Variants in FANCC observed in about 807,000 individuals in gnomAD.
FANCC encodes the protein FA complementation group C.
A neutral mutation model predicts 71.3 loss-of-function variants in FANCC; 55 were observed. That is an observed-to-expected ratio of 0.77 (90% CI 0.62 to 0.97). The LOEUF (loss-of-function observed/expected upper bound fraction) is 0.97, where lower values mean the gene tolerates loss of function less well. FANCC is among the 50% of genes least tolerant of loss of function. The pLI is 0.00. For missense variants in FANCC, 678 were observed against 670.9 expected, an observed-to-expected ratio of 1.01 and a Z score of -0.12; for synonymous variants, 275 against 244.9, an observed-to-expected ratio of 1.12 and a Z score of -1.15.
chr9:95,134,946 T>C lies in FANCC; in HGVS notation c.843+400A>G, dbSNP rs115802974. On this transcript the variant is annotated intron_variant, in intron 8 of 14. Coordinates refer to ENST00000289081, the MANE Select transcript of FANCC (RefSeq NM_000136.3). ...CATTTTTCTGGGGTTTTGTGTCTCT[T>C]ATTTCATCTTTCCTCTAGTGAAGAG... Among the ~76,000 whole-genome samples, 565 of 152,406 alleles carry C rather than the reference T, an allele frequency of 3.7e-3. 4 individuals are homozygous for C. Among genetic ancestry groups the C allele is most frequent in the African/African-American group, 0.012 (505 of 41,602 alleles).
chr9:95,221,743 T>C (rs902156125), intron 4 of FANCC, among the ~76,000 whole-genome samples: 5 of 152,142 alleles, frequency 3.3e-5, no homozygotes, highest in Non-Finnish European at 2.9e-5. Context: ...CAAAAGAAGA[T>C]AGAATCACAT....
intron 4 of FANCC, among the ~76,000 whole-genome samples, chr9:95,239,602 A>G (rs1830517708): frequency 6.6e-6 from 1 of 152,216 alleles, no homozygotes; most frequent in South Asian, 2.1e-4. Context: ...CAGCCTTGTT[A>G]CACATTCTTT....
At chr9:95,247,085 T>C (rs760658513) in intron 3 of FANCC, among the ~76,000 whole-genome samples, 1 of 152,198 alleles carries the variant, frequency 6.6e-6, no homozygotes, top group African/African-American at 2.4e-5. Flanking sequence ...AGCCATTTTA[T>C]ATTGAATTTA....
At chr9:95,120,880 T>G (rs1487164099) in intron 10 of FANCC, among the ~76,000 whole-genome samples, 1 of 152,222 alleles carries the variant, frequency 6.6e-6, no homozygotes, top group African/African-American at 2.4e-5. Context: ...TCAATTTTTT[T>G]GTTCCTTTGG....
chr9:95,115,404 T>TAAC (rs1266591392), intron 11 of FANCC, among the ~76,000 whole-genome samples: 1 of 152,176 alleles, frequency 6.6e-6, no homozygotes, highest in Non-Finnish European at 1.5e-5. Flanking sequence ...ACGGAGACTG[T>TAAC]AGTAAAGCAG....
chr9:95,135,056 A>T (rs1255142560), intron 8 of FANCC, among the ~76,000 whole-genome samples: 1 of 152,258 alleles, frequency 6.6e-6, no homozygotes, highest in Non-Finnish European at 1.5e-5. Flanking sequence ...TCCATGCTGA[A>T]ATAAGAAATA....
chr9:95,108,510 T>C (rs1012651387), intron 13 of FANCC, among the ~76,000 whole-genome samples: 1 of 152,270 alleles, frequency 6.6e-6, no homozygotes, highest in African/African-American at 2.4e-5. Context: ...TCTTCCTTTA[T>C]GTCTGGCCCA....
At chr9:95,302,464 T>C (rs1834806418) in intron 1 of FANCC, among the ~76,000 whole-genome samples, 1 of 152,174 alleles carries the variant, frequency 6.6e-6, no homozygotes, top group Non-Finnish European at 1.5e-5. Flanking sequence ...TTCCCACCTA[T>C]GAAGACACAG....
intron 1 of FANCC, among the ~76,000 whole-genome samples, chr9:95,266,294 A>G (rs1245131842): frequency 6.6e-6 from 1 of 152,258 alleles, no homozygotes; most frequent in Non-Finnish European, 1.5e-5. Flanking sequence ...CAAAATGAGT[A>G]AAATTTAAAT....
chr9:95,198,197 G>A (rs1483784256), intron 4 of FANCC, among the ~76,000 whole-genome samples: 2 of 152,152 alleles, frequency 1.3e-5, no homozygotes, highest in African/African-American at 4.8e-5. Flanking sequence ...CTTTAGCTTG[G>A]GACTTAGGTG....
intron 4 of FANCC, among the ~76,000 whole-genome samples, chr9:95,184,817 G>C (rs769604143): frequency 1.2e-4 from 19 of 152,188 alleles, no homozygotes; most frequent in Admixed American, 2.0e-4. Context: ...AGGAGATATG[G>C]TTCACAGATA....
In FANCC at chr9:95,112,665, C is replaced by A. The variant is rs532706562; in HGVS notation, c.1155-1028G>T. Among the ~76,000 whole-genome samples, 3 of 152,316 alleles carry A rather than the reference C, an allele frequency of 2.0e-5. No homozygotes were observed. The East Asian group carries it at 5.8e-4, about 29-fold the overall frequency. ...TGTCAGGGTAGACAGATGCACAGAGCAGTGAGGCTCCCTCATGCTCCCAGC... is the reference window on the plus strand; with the variant it reads ...TGTCAGGGTAGACAGATGCACAGAGAAGTGAGGCTCCCTCATGCTCCCAGC... On this transcript the variant is annotated intron_variant, in intron 12 of 14. Transcript: ENST00000289081.
intron 10 of FANCC, chr9:95,123,209 G>T (rs763034059): frequency 4.9e-6 from 1 of 203,028 alleles, no homozygotes. Context: ...AGGCTGAGGT[G>T]GGGGGATCGC....
chr9:95,128,112 G>A (rs982540013), intron 8 of FANCC, among the ~76,000 whole-genome samples: 6 of 152,124 alleles, frequency 3.9e-5, no homozygotes, highest in African/African-American at 1.4e-4. Flanking sequence ...TTCGAACTTA[G>A]GCATGTCAGT....
chr9:95,133,312 C>T (rs1827187463), intron 8 of FANCC, among the ~76,000 whole-genome samples: 3 of 152,234 alleles, frequency 2.0e-5, no homozygotes, highest in Non-Finnish European at 4.4e-5. Flanking sequence ...CCATGAGGCA[C>T]AGAGAGGTCA....
At chr9:95,210,896 T>C (rs1195715916) in intron 4 of FANCC, among the ~76,000 whole-genome samples, 3 of 152,146 alleles carry the variant, frequency 2.0e-5, no homozygotes, top group Admixed American at 1.3e-4. Flanking sequence ...CAGGTTACAA[T>C]AGATCTTTGT....
At chr9:95,284,088 T>G (rs1833532104) in intron 1 of FANCC, among the ~76,000 whole-genome samples, 2 of 152,268 alleles carry the variant, frequency 1.3e-5, no homozygotes, top group Non-Finnish European at 2.9e-5. Flanking sequence ...ATTGTATTTC[T>G]AAGTAGAAAC....
chr9:95,133,096 C>T (rs1564675847), intron 8 of FANCC, among the ~76,000 whole-genome samples: 2 of 152,210 alleles, frequency 1.3e-5, no homozygotes, highest in Non-Finnish European at 2.9e-5. Flanking sequence ...TGTCACTGCA[C>T]CAAGATACTG....
intron 1 of FANCC, among the ~76,000 whole-genome samples, chr9:95,273,170 G>A (rs1220076315): frequency 6.6e-6 from 1 of 152,206 alleles, no homozygotes; most frequent in Non-Finnish European, 1.5e-5. Context: ...TAGCCTCGAC[G>A]AGGGAAGGGT....
Sources: gnomAD v4.1 joint callset for allele counts (sites outside exome capture counted in the v4.1 genomes callset) on GRCh38, gnomAD v4.1.1 for gene constraint, MANE v1.5 for transcripts, NCBI Gene and HGNC (gene_info 2026-07-23, HGNC 2026-07-21) for gene names.